Variants in IKBKE observed in about 807,000 individuals in gnomAD.
IKBKE encodes inhibitor of nuclear factor kappa B kinase subunit epsilon, also known as inhibitor of nuclear factor kappa-B kinase subunit epsilon.
Under a neutral mutation model 92.1 loss-of-function variants are expected in IKBKE, and 45 were observed. The ratio of observed to expected loss-of-function variants is 0.49; its 90% CI spans 0.38 to 0.63. IKBKE has a LOEUF of 0.63. IKBKE is among the 20% of genes least tolerant of loss of function. The pLI is 0.00. For missense variants in IKBKE, 700 were observed against 932.8 expected (o/e 0.75, Z 3.25); for synonymous variants, 374 against 380.3 (o/e 0.98, Z 0.19).
At position 206,476,109 on chromosome 1, in the gene IKBKE, C is replaced by T. The variant is rs1572239561; in HGVS notation, c.359-72C>T. On this transcript the variant is annotated intron_variant, in intron 5 of 21. Coordinates refer to ENST00000581977, the MANE Select transcript of IKBKE (RefSeq NM_014002.4). This position sits in a 1 kb window ranked among gnomAD's most constrained non-coding sequence, Gnocchi z 5.1. The stretch of plus-strand genomic sequence containing the variant: ...TCTCTGGATGCAAGGACAGCCTTCC[C>T]ACCAAGATGAGCCTCAGACACTAGA... The T allele has an allele frequency of 6.8e-7, 1 of 1,467,562 alleles. No individual in the cohort carries two copies. Among genetic ancestry groups the T allele is most frequent in the South Asian group, 1.2e-5 (1 of 85,696 alleles). 90.9% of individuals were successfully genotyped at this position (1,467,562 alleles called of 1,614,324 possible).
Position 206,485,091 on chromosome 1 carries a change from C to A in IKBKE, c.1503+19C>A, listed in dbSNP as rs139212098. ...GCGGACTGTGAGTGAGGCTGGAGGG[C>A]AAGGGCTTAGCAGGATCAGAGCTGG... On this transcript the variant is annotated intron_variant, in intron 14 of 21. Coordinates refer to ENST00000581977, the MANE Select transcript of IKBKE (RefSeq NM_014002.4). This position sits in a 1 kb window ranked among gnomAD's most constrained non-coding sequence, Gnocchi z 5.0. The A allele has an allele frequency of 1.4e-5, 23 of 1,610,930 alleles. No homozygotes were observed. In the Middle Eastern group the frequency reaches 5.0e-4, roughly 35 times the overall value.
Position 206,493,909 on chromosome 1 carries a change from G to A in IKBKE, c.2046-11G>A. The A allele has an allele frequency of 6.2e-7, 1 of 1,613,686 alleles. No individual in the cohort carries two copies. Among genetic ancestry groups the A allele is most frequent in the Non-Finnish European group, 8.5e-7 (1 of 1,179,772 alleles). ...AGCCTCAGCCGCCTCTCCTGCCTCT[G>A]CCTTGGGCAGCATGCAAGAGCTCTG... is the stretch of plus-strand genomic sequence containing the variant. On this transcript the variant is annotated splice_polypyrimidine_tract_variant and intron_variant, in intron 20 of 21. Transcript: ENST00000581977.
chr1:206,485,139 G>GC lies in IKBKE; in HGVS notation c.1504-52dup. On this transcript the variant is annotated intron_variant, in intron 14 of 21. Coordinates refer to ENST00000581977, the MANE Select transcript of IKBKE (RefSeq NM_014002.4). The surrounding 1 kb of genome is among the most constrained non-coding windows in gnomAD (Gnocchi z 5.0). ...TGGGGGCCCGTGTTCCAGCCAGCCTGCCCACCAGTGCCCAGGCTGAAGACC... is the reference window on the plus strand; with the variant it reads ...TGGGGGCCCGTGTTCCAGCCAGCCTGCCCCACCAGTGCCCAGGCTGAAGACC... 2.5e-6 allele frequency: 4 copies of GC among 1,583,390 alleles called. No homozygotes were observed. Among genetic ancestry groups the GC allele is most frequent in the Non-Finnish European group, 3.5e-6 (4 of 1,151,922 alleles).
Position 206,473,280 on chromosome 1 carries a change from G to T in IKBKE, c.53G>T (p.Gly18Val). ...LWHTDDLLGQ[G>V]ATASVYKARN... ...CACACAGATGACCTGCTGGGGCAGG[G>T]GGCCACTGCCAGTGTGTACAAGGCC... Residue 18 changes from glycine to valine, a missense_variant, in exon 3 of 22, where the codon GGG becomes GTG. Transcript: ENST00000581977. 6.2e-7 allele frequency: 1 copy of T among 1,613,014 alleles called. No individual in the cohort carries two copies. Among genetic ancestry groups the T allele is most frequent in the Non-Finnish European group, 8.5e-7 (1 of 1,179,634 alleles).
chr1:206,485,335 TG>T lies in IKBKE; in HGVS notation c.1616+32del, dbSNP rs782731066. ...TGTGGGATTTTCCTTCTTTGTGGGG[TG>T]GGAGTGGGGGAGTGGGCAGCTCCAA... On this transcript the variant is annotated intron_variant, in intron 15 of 21. Transcript: ENST00000581977. This position sits in a 1 kb window ranked among gnomAD's most constrained non-coding sequence, Gnocchi z 5.0. 9 of 1,400,244 alleles carry T rather than the reference TG, an allele frequency of 6.4e-6. No homozygotes were observed. The highest frequency in any genetic ancestry group is 8.1e-6 in the Non-Finnish European group (8 of 985,438). 86.7% of individuals were successfully genotyped at this position (1,400,244 alleles called of 1,614,324 possible). A position where few individuals can be genotyped will look rare whatever the true frequency, so the allele number is the denominator to read the frequency against.
At chr1:206,473,960 CAAAAAAAAAAA>C (rs58205740) in intron 3 of IKBKE, among the ~76,000 whole-genome samples, 1 of 62,238 alleles carries the variant, frequency 1.6e-5, no homozygotes, top group African/African-American at 6.8e-5. Context: ...GGCTCCGTCT[CAAAAAAAAAAA>C]AAAAAAAAAA....
intron 21 of IKBKE, among the ~76,000 whole-genome samples, chr1:206,495,853 G>T (rs1233010665): frequency 6.6e-6 from 1 of 152,150 alleles, no homozygotes. Context: ...GCTTTTAAAC[G>T]TACAAATGCC....
At chr1:206,494,313 C>T (rs548232347) in intron 21 of IKBKE, among the ~76,000 whole-genome samples, 3 of 152,172 alleles carry the variant, frequency 2.0e-5, no homozygotes, top group Non-Finnish European at 4.4e-5. Flanking sequence ...CCTTGAATCA[C>T]AGCCATCCTC....
At position 206,485,926 on chromosome 1, in the gene IKBKE, T is replaced by A. The variant is rs1665630218; in HGVS notation, c.1616+620T>A. 6.6e-6 allele frequency among the ~76,000 whole-genome samples: 1 copy of A among 152,206 alleles called. No individual in the cohort carries two copies. Among genetic ancestry groups the A allele is most frequent in the Non-Finnish European group, 1.5e-5 (1 of 68,024 alleles). ...GGGAGCCGCTGCCTACCTTGCCGCTTCTGACCAGGGGATGGGTGGTACCCA... is the reference window on the plus strand; with the variant it reads ...GGGAGCCGCTGCCTACCTTGCCGCTACTGACCAGGGGATGGGTGGTACCCA... On this transcript the variant is annotated intron_variant, in intron 15 of 21. Transcript: ENST00000581977. This position sits in a 1 kb window ranked among gnomAD's most constrained non-coding sequence, Gnocchi z 5.0.
rs566967908 is a variant in IKBKE, at chr1:206,495,795, C to T, written c.2118-317C>T. On this transcript the variant is annotated intron_variant, in intron 21 of 21. Coordinates refer to ENST00000581977, the MANE Select transcript of IKBKE (RefSeq NM_014002.4). ...AAAGAGCCAAATGAATCCATTTAAA[C>T]TCCTTTCCCCTCCTAAACCTTGGCT... Among the ~76,000 whole-genome samples the T allele has an allele frequency of 6.6e-5, 10 of 152,354 alleles. No homozygotes were observed. In the East Asian group the frequency reaches 1.9e-3, roughly 29 times the overall value.
chr1:206,473,359 C>G (rs1553384323), intron 3 of IKBKE, 45 bp downstream of exon 3: 1 of 1,421,638 alleles, frequency 7.0e-7, no homozygotes, highest in South Asian at 1.2e-5. Flanking sequence ...CAGCCTTGGC[C>G]CCCTCATGCC....
At chr1:206,491,835 G>A in intron 18 of IKBKE, 86 bp downstream of exon 18, 1 of 908,220 alleles carries the variant, frequency 1.1e-6, no homozygotes, top group Non-Finnish European at 1.8e-6. Flanking sequence ...GTGGAGCCCT[G>A]AGGCAGAGGG....
intron 17 of IKBKE, chr1:206,491,112 T>C: frequency 1.8e-6 from 1 of 566,874 alleles, no homozygotes; most frequent in Non-Finnish European, 3.2e-6. Context: ...CAGGCTTTTT[T>C]TTTCTCTAGT....
chr1:206,472,653 GCTGT>G lies in IKBKE; in HGVS notation c.-32-541_-32-538del, dbSNP rs202138793. 8.1e-3 allele frequency among the ~76,000 whole-genome samples: 1,237 copies of G among 152,082 alleles called. 10 individuals carry two copies. The highest frequency in any genetic ancestry group is 0.022 in the Admixed American group (329 of 15,284). On this transcript the variant is annotated intron_variant, in intron 2 of 21. Coordinates refer to ENST00000581977, the MANE Select transcript of IKBKE (RefSeq NM_014002.4). The stretch of plus-strand genomic sequence containing the variant: ...TCTCTCTTGGAGCAGTACTGGCCCG[GCTGT>G]CAGCTCACAGCAGCAGGAAGTGGTG...
Position 206,478,135 on chromosome 1 carries a change from C to G in IKBKE, c.813-25C>G, listed in dbSNP as rs1383976274. On this transcript the variant is annotated intron_variant, in intron 8 of 21. Coordinates refer to ENST00000581977, the MANE Select transcript of IKBKE (RefSeq NM_014002.4). This position sits in a 1 kb window ranked among gnomAD's most constrained non-coding sequence, Gnocchi z 4.8. Reference sequence around the variant, plus strand: ...GATAGGTCTGGGCCCCCACCCCTGACAGTCTCCATGTCCTGGGAGGGCAGG... The same window carrying G: ...GATAGGTCTGGGCCCCCACCCCTGAGAGTCTCCATGTCCTGGGAGGGCAGG... 3.7e-6 allele frequency: 6 copies of G among 1,608,794 alleles called. No individual in the cohort carries two copies. The highest frequency in any genetic ancestry group is 3.3e-5 in the South Asian group (3 of 90,918).
chr1:206,492,465 A>T (rs1368879921), intron 18 of IKBKE: 1 of 471,166 alleles, frequency 2.1e-6, no homozygotes. Context: ...CTTCTACTCC[A>T]ACCCACCACA....
At chr1:206,481,766 CTTTTTTTTTTTTTTTTT>C (rs71152472) in intron 13 of IKBKE, among the ~76,000 whole-genome samples, 766 of 46,596 alleles carry the variant, frequency 0.016, 32 homozygotes, top group African/African-American at 0.065. Flanking sequence ...AAGGATGAGG[CTTTTTTTTTTTTTTTTT>C]TTTTTTTTTT....
chr1:206,489,642 G>A (rs1187617299), intron 16 of IKBKE, among the ~76,000 whole-genome samples: 1 of 151,992 alleles, frequency 6.6e-6, no homozygotes, highest in Non-Finnish European at 1.5e-5. Context: ...CTGGGAGTTC[G>A]AGACTGCAGT....
chr1:206,494,025 G>A (rs375993945), intron 21 of IKBKE, 34 bp downstream of exon 21: 4 of 1,588,708 alleles, frequency 2.5e-6, no homozygotes, highest in Non-Finnish European at 2.6e-6. Context: ...GGTCAGGGCC[G>A]GGTCTTCAAG....
Sources: gnomAD v4.1 joint callset for allele counts (sites outside exome capture counted in the v4.1 genomes callset) on GRCh38, gnomAD v4.1.1 for gene constraint, Gnocchi (gnomAD v3.1) non-coding constraint, MANE v1.5 for transcripts, NCBI Gene and HGNC (gene_info 2026-07-23, HGNC 2026-07-21) for gene names.